MREG: variants seen among roughly 807,000 people sequenced by gnomAD.
The protein encoded by MREG is melanoregulin.
Under a neutral mutation model 28.5 loss-of-function variants are expected in MREG, and 31 were observed. The ratio of observed to expected loss-of-function variants is 1.09; its 90% CI spans 0.82 to 1.47. The LOEUF (loss-of-function observed/expected upper bound fraction) is 1.47. Ranked by LOEUF, MREG falls within the 40% of genes most tolerant of loss-of-function variation. MREG has a pLI of 0.00. For missense variants in MREG, 256 were observed against 257.4 expected (o/e 0.99, Z 0.04); for synonymous variants, 106 against 95.2 (o/e 1.11, Z -0.66).
At chr2:215,949,743 T>C (rs1229235283) in intron 2 of MREG, among the ~76,000 whole-genome samples, 3 of 152,210 alleles carry the variant, frequency 2.0e-5, no homozygotes, top group Non-Finnish European at 4.4e-5. Flanking sequence ...ATGTTGTAAA[T>C]TTTATAACTG....
At chr2:215,970,903 C>T (rs2105989672) in intron 2 of MREG, among the ~76,000 whole-genome samples, 1 of 152,154 alleles carries the variant, frequency 6.6e-6, no homozygotes, top group South Asian at 2.1e-4. Flanking sequence ...CAATGATAGA[C>T]TGGATAAAGA....
intron 1 of MREG, among the ~76,000 whole-genome samples, chr2:216,006,323 G>A (rs948939329): frequency 1.3e-5 from 2 of 152,150 alleles, no homozygotes; most frequent in African/African-American, 2.4e-5. Context: ...TCCCTCCTAC[G>A]CGTTGGGCCT....
intron 2 of MREG, among the ~76,000 whole-genome samples, chr2:215,975,326 G>A (rs1243116442): frequency 6.6e-6 from 1 of 151,998 alleles, no homozygotes; most frequent in African/African-American, 2.4e-5. Context: ...ACTTTCATTG[G>A]GTAGTTTTAT....
chr2:216,030,303 G>C (rs141164637), intron 1 of MREG, among the ~76,000 whole-genome samples: 41 of 152,226 alleles, frequency 2.7e-4, no homozygotes, highest in African/African-American at 7.2e-4. Context: ...TACAGGGCAG[G>C]GGTCGGGGCT....
chr2:215,974,493 A>G (rs3770537), intron 2 of MREG, among the ~76,000 whole-genome samples: 62,343 of 151,886 alleles, frequency 0.41, 13,091 homozygotes, highest in East Asian at 0.46. Context: ...CTGCGTCTGT[A>G]TCTGGGACTC....
chr2:215,950,178 T>G (rs1361444921), intron 2 of MREG, among the ~76,000 whole-genome samples: 7 of 152,204 alleles, frequency 4.6e-5, no homozygotes, highest in African/African-American at 1.7e-4. Context: ...AACTTGCAAT[T>G]AAAGGTCTCT....
rs1386508130 is a variant in MREG at position 215,996,449 on chromosome 2, A to G, written c.112T>C (p.Ser38Pro). 2 of 1,612,188 alleles carry G rather than the reference A, an allele frequency of 1.2e-6. No individual in the cohort carries two copies. Among genetic ancestry groups the G allele is most frequent in the Non-Finnish European group, 1.7e-6 (2 of 1,179,000 alleles). ...EPLVSDNNPY[S>P]SFGATLVRDD... is the part of the protein sequence containing the mutation. ...CTCACCAGAGTTGCTCCAAATGAGG[A>G]ATATGGATTGTTATCACTGTTGTAT... Residue 38 changes from serine (S) to proline (P), a missense_variant, in exon 2 of 5, where the codon TCC (serine) becomes CCC (proline). Transcript: ENST00000263268.
At chr2:215,942,101 A>C (rs1347109715), downstream of MREG, among the ~76,000 whole-genome samples, 1 of 152,178 alleles carries the variant, frequency 6.6e-6, no homozygotes, top group African/African-American at 2.4e-5. Context: ...TCTGTGCAAC[A>C]CATCCATGAA....
At chr2:215,949,097 T>C (rs1559173611) in intron 2 of MREG, among the ~76,000 whole-genome samples, 1 of 149,378 alleles carries the variant, frequency 6.7e-6, no homozygotes, top group African/African-American at 2.5e-5. Flanking sequence ...CTAATAATAA[T>C]AATAATAATA....
chr2:215,992,328 C>A (rs1693739823), intron 2 of MREG, among the ~76,000 whole-genome samples: 1 of 152,132 alleles, frequency 6.6e-6, no homozygotes, highest in African/African-American at 2.4e-5. Flanking sequence ...CAGAAAAGGT[C>A]TTCAATAAAA....
intron 2 of MREG, among the ~76,000 whole-genome samples, chr2:215,987,293 C>A (rs13011126): frequency 6.6e-6 from 1 of 151,508 alleles, no homozygotes; most frequent in Non-Finnish European, 1.5e-5. Flanking sequence ...TCACCCAGGC[C>A]AGAGTGCAGT....
intron 2 of MREG, among the ~76,000 whole-genome samples, chr2:215,989,373 C>A (rs1693663759): frequency 6.6e-6 from 1 of 152,186 alleles, no homozygotes; most frequent in South Asian, 2.1e-4. Flanking sequence ...AGCATCCACA[C>A]AGAAACCCCA....
intron 2 of MREG, among the ~76,000 whole-genome samples, chr2:215,958,635 C>T (rs1692697992): frequency 6.6e-6 from 1 of 152,236 alleles, no homozygotes; most frequent in African/African-American, 2.4e-5. Context: ...GCCTCCATTG[C>T]TCTTCTCACT....
At chr2:216,016,288 C>T (rs1004876707), upstream of MREG, among the ~76,000 whole-genome samples, 7 of 152,254 alleles carry the variant, frequency 4.6e-5, no homozygotes, top group Admixed American at 1.3e-4. Context: ...CTGGAAAATC[C>T]CCTGGTAAAA....
rs1018213764 is a variant in MREG, at chr2:216,013,297, A to G, written c.31T>C (p.Cys11Arg). 20 of 1,549,618 alleles carry G rather than the reference A, an allele frequency of 1.3e-5. No homozygotes were observed. The highest frequency in any genetic ancestry group is 1.7e-5 in the Non-Finnish European group (19 of 1,146,632). ...AAGCACTCGCACCCGCAGCAGCAGC[A>G]CACGGTTCTCAGCCAGTCCCTCAGC... MGLRDWLRTV[C>R]CCCGCECLEE... The change falls in exon 1 of 5, where the codon TGC (cysteine) becomes CGC (arginine). Residue 11 changes from cysteine to arginine, a missense_variant. Cys to Arg is a radical substitution (Grantham distance 180, BLOSUM62 -3). Coordinates refer to ENST00000263268, the MANE Select transcript of MREG (RefSeq NM_018000.3).
At chr2:215,974,211 C>T (rs1405068960) in intron 2 of MREG, among the ~76,000 whole-genome samples, 2 of 152,126 alleles carry the variant, frequency 1.3e-5, no homozygotes, top group Non-Finnish European at 1.5e-5. Flanking sequence ...AATAGCATGA[C>T]CATGTGTAAG....
chr2:215,970,846 A>T (rs569157547), intron 2 of MREG, among the ~76,000 whole-genome samples: 1 of 152,334 alleles, frequency 6.6e-6, no homozygotes, highest in East Asian at 1.9e-4. Flanking sequence ...TAAAAATAAT[A>T]CTGATATTTA....
intron 2 of MREG, among the ~76,000 whole-genome samples, chr2:215,958,491 C>T (rs1358683324): frequency 3.9e-5 from 6 of 152,158 alleles, no homozygotes; most frequent in Non-Finnish European, 5.9e-5. Context: ...AACGAGCTCA[C>T]GTCTCTTCAT....
chr2:215,958,037 G>A (rs896644018), intron 2 of MREG, among the ~76,000 whole-genome samples: 3 of 150,168 alleles, frequency 2.0e-5, no homozygotes, highest in African/African-American at 4.9e-5. Flanking sequence ...GTTCTCACTC[G>A]TAGGTGGGAA....
Sources: gnomAD v4.1 joint callset for allele counts (sites outside exome capture counted in the v4.1 genomes callset) on GRCh38, gnomAD v4.1.1 for gene constraint, MANE v1.5 for transcripts, NCBI Gene and HGNC (gene_info 2026-07-23, HGNC 2026-07-21) for gene names.